The following AMBRA1 variants were observed in gnomAD, a reference collection of about 807,000 sequenced individuals.
The protein encoded by AMBRA1 is activating molecule in BECN1-regulated autophagy protein 1.
A neutral mutation model predicts 125.4 loss-of-function variants in AMBRA1; 47 were observed. The observed-to-expected ratio is 0.37, with a 90% CI of 0.30 to 0.48. The LOEUF (loss-of-function observed/expected upper bound fraction) is 0.48. Among genes scored for constraint, AMBRA1 ranks in the 20% least tolerant of loss-of-function variants. The pLI, the probability that AMBRA1 is intolerant of heterozygous loss-of-function variation, is 0.99. For missense variants in AMBRA1, 1,331 were observed against 1,693.4 expected, an observed-to-expected ratio of 0.79 and a Z score of 3.76; for synonymous variants, 626 against 655.5, an observed-to-expected ratio of 0.95 and a Z score of 0.69.
chr11:46,405,519 G>A (rs950470985), intron 17 of AMBRA1, among the ~76,000 whole-genome samples: 1 of 152,000 alleles, frequency 6.6e-6, no homozygotes, highest in African/African-American at 2.4e-5. Context: ...AGGAGTTCAA[G>A]ACCAGCCCAG....
At chr11:46,467,959 C>T (rs1474210191) in intron 11 of AMBRA1, among the ~76,000 whole-genome samples, 1 of 152,134 alleles carries the variant, frequency 6.6e-6, no homozygotes, top group African/African-American at 2.4e-5. Flanking sequence ...AGGGAACAAC[C>T]AGGCAGGAAA....
At chr11:46,566,342 C>T (rs1424181263) in intron 1 of AMBRA1, among the ~76,000 whole-genome samples, 1 of 151,800 alleles carries the variant, frequency 6.6e-6, no homozygotes, top group Non-Finnish European at 1.5e-5. Context: ...CGCTTGAACC[C>T]AGGAGGCAGA....
intron 11 of AMBRA1, among the ~76,000 whole-genome samples, chr11:46,466,155 A>G (rs1949314460): frequency 6.6e-6 from 1 of 152,208 alleles, no homozygotes; most frequent in South Asian, 2.1e-4. Context: ...GGAGCCTACA[A>G]TCCAGTTGGG....
intron 7 of AMBRA1, among the ~76,000 whole-genome samples, chr11:46,530,843 C>T (rs548945753): frequency 6.6e-6 from 1 of 152,282 alleles, no homozygotes; most frequent in South Asian, 2.1e-4. Flanking sequence ...AATTTATCTC[C>T]ATAAATAGTT....
intron 14 of AMBRA1, among the ~76,000 whole-genome samples, chr11:46,424,507 C>G (rs763638197): frequency 7.2e-5 from 11 of 152,244 alleles, no homozygotes; most frequent in Non-Finnish European, 1.5e-4. Context: ...GAATCTACTT[C>G]TGTGCTAAAA....
chr11:46,517,484 T>G (rs1266633964), intron 7 of AMBRA1, among the ~76,000 whole-genome samples: 12 of 145,060 alleles, frequency 8.3e-5, no homozygotes, highest in East Asian at 2.0e-4. Context: ...TTTTTTTTTT[T>G]TTTTTTTTTT....
At chr11:46,569,317 C>T (rs951679940) in intron 1 of AMBRA1, among the ~76,000 whole-genome samples, 1 of 146,130 alleles carries the variant, frequency 6.8e-6, no homozygotes, top group African/African-American at 2.5e-5. Flanking sequence ...TTCATACAAA[C>T]ATGTATGCAT....
intron 15 of AMBRA1, among the ~76,000 whole-genome samples, chr11:46,414,925 T>C (rs1242446077): frequency 6.6e-6 from 1 of 152,100 alleles, no homozygotes; most frequent in Non-Finnish European, 1.5e-5. Flanking sequence ...AAGGAGCTTG[T>C]TCCTCTGTCT....
intron 12 of AMBRA1, among the ~76,000 whole-genome samples, chr11:46,438,860 C>T (rs567361566): frequency 1.2e-3 from 188 of 152,296 alleles, no homozygotes; most frequent in Non-Finnish European, 2.2e-3. Flanking sequence ...TATTCATAAA[C>T]TTCTAAACAC....
At chr11:46,556,823 T>A (rs549940188) in intron 1 of AMBRA1, among the ~76,000 whole-genome samples, 2 of 152,286 alleles carry the variant, frequency 1.3e-5, no homozygotes, top group African/African-American at 4.8e-5. Flanking sequence ...CTTCATTCTG[T>A]AATGAAGAAT....
At chr11:46,467,414 C>G (rs1949373653) in intron 11 of AMBRA1, among the ~76,000 whole-genome samples, 1 of 152,146 alleles carries the variant, frequency 6.6e-6, no homozygotes, top group African/African-American at 2.4e-5. Context: ...TATTTCCTTT[C>G]ACATGCAATT....
chr11:46,418,300 T>C (rs1170900668), intron 14 of AMBRA1, among the ~76,000 whole-genome samples: 1 of 140,254 alleles, frequency 7.1e-6, no homozygotes, highest in Non-Finnish European at 1.5e-5. Context: ...TATAAATATA[T>C]AATATATATT....
At chr11:46,524,828 A>G (rs1192351958) in intron 7 of AMBRA1, among the ~76,000 whole-genome samples, 1 of 152,262 alleles carries the variant, frequency 6.6e-6, no homozygotes, top group Non-Finnish European at 1.5e-5. Context: ...AGAAGGGTGA[A>G]TACTATAAAG....
At chr11:46,528,726 C>A (rs756343) in intron 7 of AMBRA1, among the ~76,000 whole-genome samples, 9,458 of 152,070 alleles carry the variant, frequency 0.062, 355 homozygotes, top group South Asian at 0.08. Context: ...GTACTGTACA[C>A]TTTTAAAATT....
chr11:46,474,300 GAATA>G (rs1373582664), intron 11 of AMBRA1, among the ~76,000 whole-genome samples: 1 of 152,050 alleles, frequency 6.6e-6, no homozygotes, highest in Non-Finnish European at 1.5e-5. Context: ...ATGAATAAGG[GAATA>G]AATAAATTAA....
intron 9 of AMBRA1, among the ~76,000 whole-genome samples, chr11:46,500,067 T>C (rs1193847307): frequency 6.6e-6 from 1 of 152,054 alleles, no homozygotes; most frequent in Non-Finnish European, 1.5e-5. Flanking sequence ...AGGCCTAGGA[T>C]GGGAAAGGGG....
chr11:46,521,893 C>CTACA (rs1172230597), intron 7 of AMBRA1, among the ~76,000 whole-genome samples: 1 of 152,218 alleles, frequency 6.6e-6, no homozygotes, highest in Non-Finnish European at 1.5e-5. Flanking sequence ...ACCACAGTGC[C>CTACA]TACAGTGTAG....
chr11:46,547,477 C>T (rs1445370149), intron 3 of AMBRA1, 181 bp from the exon 4 acceptor site: 1 of 604,676 alleles, frequency 1.7e-6, no homozygotes, highest in South Asian at 2.7e-5. Flanking sequence ...AAGCTTTTGG[C>T]TTGTCCACAC....
intron 1 of AMBRA1, among the ~76,000 whole-genome samples, chr11:46,554,412 A>T (rs1308600789): frequency 6.6e-6 from 1 of 152,156 alleles, no homozygotes; most frequent in Non-Finnish European, 1.5e-5. Flanking sequence ...GGGAAAGAGT[A>T]GCTACAAATA....
Sources: allele counts gnomAD v4.1 joint callset (sites outside exome capture counted in the v4.1 genomes callset), GRCh38; gene constraint gnomAD v4.1.1; transcripts MANE v1.5; gene names NCBI Gene and HGNC (gene_info 2026-07-23, HGNC 2026-07-21).